Variants in ORC3 observed in about 807,000 individuals in gnomAD.
ORC3 encodes origin recognition complex subunit 3.
Under a neutral mutation model 100.7 loss-of-function variants are expected in ORC3, and 78 were observed. The observed-to-expected ratio is 0.77, with a 90% CI of 0.65 to 0.94. ORC3 has a LOEUF of 0.94. Among genes scored for constraint, ORC3 ranks in the 40% least tolerant of loss-of-function variants. The pLI is 0.00. For missense variants in ORC3, 789 were observed against 823.9 expected (o/e 0.96, Z 0.52); for synonymous variants, 295 against 289.3 (o/e 1.02, Z -0.20).
At chr6:87,674,624 TTATATA>T in the ORC3 span, among the ~76,000 whole-genome samples, 1 of 143,474 alleles carries the variant, frequency 7.0e-6, no homozygotes, top group Non-Finnish European at 1.5e-5. Flanking sequence ...AAGAAGGAAT[TTATATA>T]TATATATATA....
chr6:87,673,950 G>A, the ORC3 span, among the ~76,000 whole-genome samples: 119 of 152,152 alleles, frequency 7.8e-4, no homozygotes, highest in African/African-American at 2.8e-3. Flanking sequence ...TGGGCACCTT[G>A]TGAAACCACT....
chr6:87,658,772 C>T (rs1033448033), intron 16 of ORC3, among the ~76,000 whole-genome samples: 1 of 152,190 alleles, frequency 6.6e-6, no homozygotes, highest in Admixed American at 6.5e-5. Flanking sequence ...AATGCCAGTG[C>T]ACCTCATTAT....
intron 11 of ORC3, among the ~76,000 whole-genome samples, chr6:87,632,128 C>T (rs375902285): frequency 3.5e-4 from 54 of 152,126 alleles, no homozygotes; most frequent in African/African-American, 1.3e-3. Flanking sequence ...CACGCCACTG[C>T]ACTCCAGCCT....
chr6:87,594,273 A>T, intron 1 of ORC3, 80 bp from the exon 2 acceptor site: 1 of 957,890 alleles, frequency 1.0e-6, no homozygotes, highest in Non-Finnish European at 1.6e-6. Context: ...AAAAGTGCTT[A>T]CCCATAAAAT....
At chr6:87,594,534 G>A in intron 2 of ORC3, 127 bp downstream of exon 2, 1 of 1,367,878 alleles carries the variant, frequency 7.3e-7, no homozygotes, top group Non-Finnish European at 9.5e-7. Flanking sequence ...TAGCATTTAT[G>A]TTCCAAGGCA....
intron 1 of ORC3, 61 bp downstream of exon 1, chr6:87,590,253 G>A: frequency 2.6e-6 from 4 of 1,560,752 alleles, no homozygotes; most frequent in Non-Finnish European, 3.5e-6. Flanking sequence ...TTGAAGAAGG[G>A]ATGAAGCCGA....
At chr6:87,672,329 T>A (rs1305351008), downstream of ORC3, among the ~76,000 whole-genome samples, 3 of 152,198 alleles carry the variant, frequency 2.0e-5, no homozygotes, top group Non-Finnish European at 4.4e-5. Context: ...AAAGATTTTT[T>A]AATAACATGC....
rs1554236515 is a variant in ORC3, at chr6:87,602,954, A to ATTTATATATATATATATATAT, written c.178-430_178-429insTTTATATATATATATATATAT. Among the ~76,000 whole-genome samples, 131 of 95,162 alleles carry ATTTATATATATATATATATAT rather than the reference A, an allele frequency of 1.4e-3. 4 individuals carry two copies. Among genetic ancestry groups the ATTTATATATATATATATATAT allele is most frequent in the Non-Finnish European group, 2.2e-3 (105 of 48,592 alleles). The allele number at this position is 95,162 out of a possible 152,430, so 62.4% of individuals were successfully genotyped here. ...CGTTTATATATATATACACATATAT[A>ATTTATATATATATATATATAT]ATATATATATATATATACATATATA... On this transcript the variant is annotated intron_variant, in intron 3 of 19. Transcript: ENST00000392844.
chr6:87,623,404 A>T (rs568083749), intron 11 of ORC3, among the ~76,000 whole-genome samples: 1 of 152,330 alleles, frequency 6.6e-6, no homozygotes, highest in Non-Finnish European at 1.5e-5. Flanking sequence ...GAATGTGTGC[A>T]TGTTTACTGA....
chr6:87,601,974 T>C (rs1777938899), intron 3 of ORC3, 93 bp downstream of exon 3: 5 of 778,434 alleles, frequency 6.4e-6, no homozygotes, highest in Non-Finnish European at 1.1e-5. Flanking sequence ...AGAGTATTGA[T>C]GAAATATAGG....
intron 18 of ORC3, among the ~76,000 whole-genome samples, chr6:87,665,067 G>A (rs1432925584): frequency 6.6e-6 from 1 of 152,148 alleles, no homozygotes; most frequent in East Asian, 1.9e-4. Flanking sequence ...CCTGCCCTCT[G>A]ATCCTGAATT....
intron 13 of ORC3, among the ~76,000 whole-genome samples, chr6:87,649,765 A>C (rs1377376489): frequency 6.6e-6 from 1 of 152,084 alleles, no homozygotes; most frequent in Non-Finnish European, 1.5e-5. Flanking sequence ...ATAAAAATAA[A>C]ATTTACCCTC....
chr6:87,647,273 C>A (rs1458043968), intron 13 of ORC3, among the ~76,000 whole-genome samples: 1 of 152,192 alleles, frequency 6.6e-6, no homozygotes, highest in East Asian at 1.9e-4. Context: ...TGGCCTCTCT[C>A]TGATTACTGC....
At chr6:87,622,540 G>A (rs994004516) in intron 11 of ORC3, among the ~76,000 whole-genome samples, 2 of 151,786 alleles carry the variant, frequency 1.3e-5, no homozygotes, top group African/African-American at 4.8e-5. Context: ...AAGAAGGAGG[G>A]CTTCTTTCTT....
chr6:87,649,482 T>C (rs1185277834), intron 13 of ORC3, among the ~76,000 whole-genome samples: 2 of 152,252 alleles, frequency 1.3e-5, no homozygotes, highest in Non-Finnish European at 2.9e-5. Flanking sequence ...GCGCCATGGC[T>C]CACACCTGTA....
chr6:87,636,109 T>G (rs1342771533), intron 12 of ORC3, among the ~76,000 whole-genome samples: 1 of 151,948 alleles, frequency 6.6e-6, no homozygotes, highest in Non-Finnish European at 1.5e-5. Context: ...GTTTTTTGTA[T>G]TTTTATTAGA....
At chr6:87,647,371 T>A (rs765869956) in intron 13 of ORC3, among the ~76,000 whole-genome samples, 12 of 152,178 alleles carry the variant, frequency 7.9e-5, no homozygotes, top group Non-Finnish European at 1.8e-4. Context: ...TTGCACCCAT[T>A]GTTCTGTCTG....
chr6:87,649,241 G>A (rs1335348805), intron 13 of ORC3, among the ~76,000 whole-genome samples: 1 of 152,014 alleles, frequency 6.6e-6, no homozygotes, highest in African/African-American at 2.4e-5. Context: ...TGCTATCCCT[G>A]TGACATAACA....
the ORC3 span, among the ~76,000 whole-genome samples, chr6:87,673,638 C>A: frequency 1.3e-5 from 2 of 151,732 alleles, no homozygotes; most frequent in Non-Finnish European, 2.9e-5. Flanking sequence ...GTCAAGAGAT[C>A]GAGACCATCC....
Sources: gnomAD v4.1 joint callset for allele counts (sites outside exome capture counted in the v4.1 genomes callset) on GRCh38, gnomAD v4.1.1 for gene constraint, MANE v1.5 for transcripts, NCBI Gene and HGNC (gene_info 2026-07-23, HGNC 2026-07-21) for gene names.